The following MKNK2 variants were observed in gnomAD, a reference collection of about 807,000 sequenced individuals.
The protein encoded by MKNK2 is MAPK interacting serine/threonine kinase 2.
A neutral mutation model predicts 55.0 loss-of-function variants in MKNK2; 54 were observed. The ratio of observed to expected loss-of-function variants is 0.98; its 90% CI spans 0.79 to 1.23. MKNK2 has a LOEUF of 1.23. Among genes scored for constraint, MKNK2 ranks in the 50% most tolerant of loss-of-function variants. The probability of loss-of-function intolerance (pLI) is 0.00; values close to 1 mark genes in which losing one functional copy is unlikely to be tolerated. For synonymous variants in MKNK2, 323 were observed against 256.0 expected, an observed-to-expected ratio of 1.26 and a Z score of -2.50; for missense variants, 685 against 632.1, an observed-to-expected ratio of 1.08 and a Z score of -0.90.
chr19:2,039,591 G>A lies in MKNK2; in HGVS notation c.*22C>T, dbSNP rs1180284613. On this transcript the variant is annotated 3_prime_UTR_variant, in exon 14 of 14. Transcript: ENST00000250896. ...TTTGATTGGGGGACGGGTGACCTATGTACAGAGGGGAGATGGGAGGGTCAG... is the reference window on the plus strand; with the variant it reads ...TTTGATTGGGGGACGGGTGACCTATATACAGAGGGGAGATGGGAGGGTCAG... The A allele has an allele frequency of 1.2e-6, 2 of 1,602,218 alleles. No individual in the cohort carries two copies. Among genetic ancestry groups the A allele is most frequent in the Non-Finnish European group, 1.7e-6 (2 of 1,174,176 alleles).
At chr19:2,041,745 G>T in intron 11 of MKNK2, 95 bp downstream of exon 11, 1 of 1,052,768 alleles carries the variant, frequency 9.5e-7, no homozygotes, top group Non-Finnish European at 1.3e-6. Flanking sequence ...GGACTTAGAG[G>T]GTGCGCAGGG....
chr19:2,042,706 G>A (rs1408651164), intron 8 of MKNK2, 44 bp from the exon 9 acceptor site: 1 of 1,550,450 alleles, frequency 6.4e-7, no homozygotes, highest in Admixed American at 2.0e-5. Flanking sequence ...AGGGTCTGGA[G>A]GTCTTCCAGG....
At chr19:2,048,620 C>T (rs2017048923) in intron 2 of MKNK2, among the ~76,000 whole-genome samples, 2 of 152,120 alleles carry the variant, frequency 1.3e-5, no homozygotes, top group Non-Finnish European at 2.9e-5. Flanking sequence ...ACAAGAGGGT[C>T]GTTCAGCAGA....
intron 5 of MKNK2, 44 bp from the exon 6 acceptor site, chr19:2,043,626 T>C (rs1461705054): frequency 6.3e-7 from 1 of 1,576,770 alleles, no homozygotes; most frequent in Non-Finnish European, 8.7e-7. Context: ...GGTGGGACGC[T>C]CATAGTCGAG....
chr19:2,042,080 C>A (rs1289973761), intron 10 of MKNK2, 46 bp from the exon 11 acceptor site: 81 of 1,421,968 alleles, frequency 5.7e-5, no homozygotes, highest in Non-Finnish European at 7.2e-5. Flanking sequence ...CCCAGCATTA[C>A]GTGGGAACCG....
At position 2,039,380 on chromosome 19, in the gene MKNK2, C is replaced by G; in HGVS notation, c.*233G>C. 1.4e-6 allele frequency: 2 copies of G among 1,385,536 alleles called. No homozygotes were observed. The highest frequency in any genetic ancestry group is 1.9e-6 in the Non-Finnish European group (2 of 1,071,210). The allele number at this position is 1,385,536 out of a possible 1,614,324, so 85.8% of individuals were successfully genotyped here. ...TACCCTCTGCTCACCTTCCCGGGTGCCTGCAATGCTTTTAACCATCCAAAG... is the reference window on the plus strand; with the variant it reads ...TACCCTCTGCTCACCTTCCCGGGTGGCTGCAATGCTTTTAACCATCCAAAG... On this transcript the variant is annotated 3_prime_UTR_variant, in exon 14 of 14. Coordinates refer to ENST00000250896, the MANE Select transcript of MKNK2 (RefSeq NM_199054.3).
chr19:2,047,974 G>GC (rs979161622), intron 2 of MKNK2, among the ~76,000 whole-genome samples: 5 of 151,994 alleles, frequency 3.3e-5, no homozygotes, highest in African/African-American at 4.8e-5. Flanking sequence ...TCTGCTTCCA[G>GC]CCCCCCAACC....
rs2016812688 is a variant in MKNK2, at chr19:2,038,916, C to G, written c.*697G>C. On this transcript the variant is annotated 3_prime_UTR_variant, in exon 14 of 14. Transcript: ENST00000250896. The stretch of plus-strand genomic sequence containing the variant: ...TTAAGGTCAAGGTCGGAGGCCGAAT[C>G]TGGCCACCAGGAGTCCTGGACAGAC... 1 of 985,590 alleles carries G rather than the reference C, an allele frequency of 1.0e-6. No individual in the cohort carries two copies. Among genetic ancestry groups the G allele is most frequent in the African/African-American group, 1.7e-5 (1 of 57,340 alleles). 61.1% of individuals were successfully genotyped at this position (985,590 alleles called of 1,614,324 possible). A position where few individuals can be genotyped will look rare whatever the true frequency, so the allele number is the denominator to read the frequency against.
In MKNK2 at chr19:2,037,868, C is replaced by A. The variant is rs762098620; in HGVS notation, c.*1745G>T. ...AAAAAAAACAAACAAACAAACGCTGCTAGCCACTCAGCTTTAGAGACCCGA... is the reference window on the plus strand; with the variant it reads ...AAAAAAAACAAACAAACAAACGCTGATAGCCACTCAGCTTTAGAGACCCGA... On this transcript the variant is annotated 3_prime_UTR_variant, in exon 14 of 14. Transcript: ENST00000250896. 1.8e-5 allele frequency: 28 copies of A among 1,549,540 alleles called. No homozygotes were observed. The highest frequency in any genetic ancestry group is 2.5e-5 in the Non-Finnish European group (28 of 1,141,264).
Position 2,039,388 on chromosome 19 carries a change from G to A in MKNK2, c.*225C>T, listed in dbSNP as rs2016823299. 6.4e-6 allele frequency: 9 copies of A among 1,403,316 alleles called. No homozygotes were observed. The highest frequency in any genetic ancestry group is 8.3e-6 in the Non-Finnish European group (9 of 1,081,382). The allele number at this position is 1,403,316 out of a possible 1,614,324, so 86.9% of individuals were successfully genotyped here. On this transcript the variant is annotated 3_prime_UTR_variant, in exon 14 of 14. Coordinates refer to ENST00000250896, the MANE Select transcript of MKNK2 (RefSeq NM_199054.3). ...GCTCACCTTCCCGGGTGCCTGCAAT[G>A]CTTTTAACCATCCAAAGGAAAAAAT...
In MKNK2 at chr19:2,039,186, G is replaced by A; in HGVS notation, c.*427C>T. ...GGGCTGGGAGGGAACACGAGGGCAGGGTCCTGTGCCCCTCCCCAGCTCTGC... is the reference window on the plus strand; with the variant it reads ...GGGCTGGGAGGGAACACGAGGGCAGAGTCCTGTGCCCCTCCCCAGCTCTGC... On this transcript the variant is annotated 3_prime_UTR_variant, in exon 14 of 14. Coordinates refer to ENST00000250896, the MANE Select transcript of MKNK2 (RefSeq NM_199054.3). 1 of 1,011,872 alleles carries A rather than the reference G, an allele frequency of 9.9e-7. No individual in the cohort carries two copies. Among genetic ancestry groups the A allele is most frequent in the Admixed American group, 5.5e-5 (1 of 18,216 alleles). The allele number at this position is 1,011,872 out of a possible 1,614,324, so 62.7% of individuals were successfully genotyped here.
rs376066764 is a variant in MKNK2, at chr19:2,046,699, G to C, written c.52-8C>G. 128 of 1,500,792 alleles carry C rather than the reference G, an allele frequency of 8.5e-5. No individual in the cohort carries two copies. The Middle Eastern group carries it at 1.0e-3, about 12-fold the overall frequency. The allele number at this position is 1,500,792 out of a possible 1,614,324, so 93.0% of individuals were successfully genotyped here. On this transcript the variant is annotated splice_region_variant and splice_polypyrimidine_tract_variant and intron_variant, in intron 2 of 13. Coordinates refer to ENST00000250896, the MANE Select transcript of MKNK2 (RefSeq NM_199054.3). ...CTCGAAGGGGTTCTGCCCCTGCAGGGGAGAGGAGAGGAGAGGCACTCAGGC... is the reference window on the plus strand; with the variant it reads ...CTCGAAGGGGTTCTGCCCCTGCAGGCGAGAGGAGAGGAGAGGCACTCAGGC...
chr19:2,051,227 C>T lies in MKNK2; in HGVS notation c.-228G>A, dbSNP rs975020227. 4.6e-5 allele frequency: 7 copies of T among 151,896 alleles called. No homozygotes were observed. The highest frequency in any genetic ancestry group is 1.0e-4 in the Non-Finnish European group (7 of 69,010). The allele number at this position is 151,896 out of a possible 1,614,324, so 9.4% of individuals were successfully genotyped here. A position where few individuals can be genotyped will look rare whatever the true frequency, so the allele number is the denominator to read the frequency against. On this transcript the variant is annotated 5_prime_UTR_variant, in exon 1 of 14. Coordinates refer to ENST00000250896, the MANE Select transcript of MKNK2 (RefSeq NM_199054.3). ...GCGCGGACCCCTCTACCTGGGCCACCGCCGCTGAGAGGAGCCGGGCGCGTC... is the reference window on the plus strand; with the variant it reads ...GCGCGGACCCCTCTACCTGGGCCACTGCCGCTGAGAGGAGCCGGGCGCGTC...
rs372044796 is a variant in MKNK2 at position 2,042,049 on chromosome 19, G to C, written c.751-15C>G. 31 of 1,469,426 alleles carry C rather than the reference G, an allele frequency of 2.1e-5. No homozygotes were observed. The South Asian group carries it at 3.6e-4, about 17-fold the overall frequency. The allele number at this position is 1,469,426 out of a possible 1,614,324, so 91.0% of individuals were successfully genotyped here. A position where few individuals can be genotyped will look rare whatever the true frequency, so the allele number is the denominator to read the frequency against. ...GCCGAGCCGCACTGCGGGCGGGGGA[G>C]GGGCGCGTCAGCCGGGGTTTCCCAG... On this transcript the variant is annotated splice_polypyrimidine_tract_variant and intron_variant, in intron 10 of 13. Coordinates refer to ENST00000250896, the MANE Select transcript of MKNK2 (RefSeq NM_199054.3).
intron 5 of MKNK2, 143 bp from the exon 6 acceptor site, chr19:2,043,725 C>T (rs1167151223): frequency 1.3e-6 from 1 of 781,526 alleles, no homozygotes; most frequent in African/African-American, 1.7e-5. Flanking sequence ...CCTGTCATCC[C>T]AGCACTTTGG....
chr19:2,045,291 T>A (rs2016973483), intron 5 of MKNK2, among the ~76,000 whole-genome samples: 1 of 152,030 alleles, frequency 6.6e-6, no homozygotes, highest in African/African-American at 2.4e-5. Context: ...TGTCCCTATC[T>A]GTCAAACAAA....
In MKNK2 at chr19:2,040,142, G is replaced by A. The variant is rs1207543296; in HGVS notation, c.1146C>T (p.Val382=). Residue 382 remains valine, a synonymous_variant, in exon 13 of 14, where the codon GTC becomes GTT. Transcript: ENST00000250896. The stretch of plus-strand genomic sequence containing the variant: ...ACCCCTGCGGGCCTTACCTCTGCAG[G>A]ACCATGGGAGTGGGCAAGGTGTTCT... ...APENTLPTPM[V]LQRNSCAKDL... is the part of the protein sequence containing the mutation. 1.3e-6 allele frequency: 2 copies of A among 1,592,458 alleles called. No individual in the cohort carries two copies. Among genetic ancestry groups the A allele is most frequent in the East Asian group, 2.3e-5 (1 of 44,126 alleles).
intron 2 of MKNK2, among the ~76,000 whole-genome samples, chr19:2,049,340 C>T (rs938811502): frequency 3.3e-5 from 5 of 152,188 alleles, no homozygotes; most frequent in Admixed American, 3.3e-4. Context: ...AGAGGTGGCC[C>T]CAATCCAGGG....
At position 2,037,794 on chromosome 19, in the gene MKNK2, CAG is replaced by C. The variant is rs1442055766; in HGVS notation, c.*1817_*1818del. ...TCCTCCAGGTCGCACGTGGATGCGA[CAG>C]GGGTGGGGAGGGAGGAGGAAGTGAC... is the stretch of plus-strand genomic sequence containing the variant. On this transcript the variant is annotated 3_prime_UTR_variant, in exon 14 of 14. Transcript: ENST00000250896. The C allele has an allele frequency of 1.2e-6, 2 of 1,601,922 alleles. No homozygotes were observed. Among genetic ancestry groups the C allele is most frequent in the Non-Finnish European group, 1.7e-6 (2 of 1,174,530 alleles).
Sources: allele counts gnomAD v4.1 joint callset (sites outside exome capture counted in the v4.1 genomes callset), GRCh38; gene constraint gnomAD v4.1.1; transcripts MANE v1.5; gene names NCBI Gene and HGNC (gene_info 2026-07-23, HGNC 2026-07-21).